CATSPER2: variants seen among roughly 807,000 people sequenced by gnomAD.
CATSPER2 encodes cation channel sperm-associated protein 2.
In CATSPER2, 56 loss-of-function variants were observed where a neutral mutation model predicts 68.8. The observed-to-expected ratio is 0.81, with a 90% CI of 0.66 to 1.02. The LOEUF is 1.02. Among genes scored for constraint, CATSPER2 ranks in the 50% least tolerant of loss-of-function variants. The pLI, the probability that CATSPER2 is intolerant of heterozygous loss-of-function variation, is 0.00. For synonymous variants in CATSPER2, 198 were observed against 229.9 expected, an observed-to-expected ratio of 0.86 and a Z score of 1.26; for missense variants, 582 against 642.0, an observed-to-expected ratio of 0.91 and a Z score of 1.01.
At position 43,648,795 on chromosome 15, in the gene CATSPER2, CG is replaced by C; in HGVS notation, c.-170del. 1 of 1,531,904 alleles carries C rather than the reference CG, an allele frequency of 6.5e-7. No individual in the cohort carries two copies. The highest frequency in any genetic ancestry group is 8.7e-7 in the Non-Finnish European group (1 of 1,142,916). 94.9% of individuals were successfully genotyped at this position (1,531,904 alleles called of 1,614,324 possible). A position where few individuals can be genotyped will look rare whatever the true frequency, so the allele number is the denominator to read the frequency against. ...TCGACCCCCAGGTTTCGGCTCACCC[CG>C]GGACCCGGCCCTAGCCCCTACCCAC... On this transcript the variant is annotated 5_prime_UTR_variant, in exon 1 of 13. Coordinates refer to ENST00000396879, the MANE Select transcript of CATSPER2 (RefSeq NM_172095.4).
intron 4 of CATSPER2, among the ~76,000 whole-genome samples, chr15:43,641,745 AC>A (rs947588225): frequency 1.3e-5 from 2 of 151,912 alleles, no homozygotes; most frequent in Non-Finnish European, 2.9e-5. Flanking sequence ...TCACTCTGTC[AC>A]CCAGGCTGGA....
intron 4 of CATSPER2, among the ~76,000 whole-genome samples, chr15:43,642,020 G>A (rs1421066255): frequency 6.6e-6 from 1 of 151,830 alleles, no homozygotes; most frequent in Admixed American, 6.6e-5. Flanking sequence ...TTTAGGCTCT[G>A]TACTTCTGTA....
intron 4 of CATSPER2, chr15:43,642,357 CA>C (rs2086091400): frequency 6.6e-6 from 1 of 151,596 alleles, no homozygotes; most frequent in Non-Finnish European, 1.5e-5. Flanking sequence ...CTCGGCCTCC[CA>C]AAGTGAGGAT....
In CATSPER2 at chr15:43,648,695, C is replaced by G. The variant is rs2086219973; in HGVS notation, c.-69G>C. Reference sequence around the variant, plus strand: ...GCTTCCGCCTCCAGCTCAGGTGCCCCGAGCCTGGCTACCCCTATGCAAGAC... The same window carrying G: ...GCTTCCGCCTCCAGCTCAGGTGCCCGGAGCCTGGCTACCCCTATGCAAGAC... On this transcript the variant is annotated 5_prime_UTR_variant, in exon 1 of 13. Coordinates refer to ENST00000396879, the MANE Select transcript of CATSPER2 (RefSeq NM_172095.4). The G allele has an allele frequency of 1.4e-6, 2 of 1,454,118 alleles. No individual in the cohort carries two copies. Among genetic ancestry groups the G allele is most frequent in the Admixed American group, 2.6e-5 (1 of 39,094 alleles). 90.1% of individuals were successfully genotyped at this position (1,454,118 alleles called of 1,614,324 possible).
chr15:43,637,370 TA>T (rs1253039740), intron 7 of CATSPER2, among the ~76,000 whole-genome samples: 4 of 151,890 alleles, frequency 2.6e-5, no homozygotes, highest in Admixed American at 2.6e-4. Context: ...ACTAAAAAAG[TA>T]AAAAGTTTCC....
At chr15:43,639,872 A>C (rs1453822163) in intron 5 of CATSPER2, 74 bp from the exon 6 acceptor site, 1 of 1,605,146 alleles carries the variant, frequency 6.2e-7, no homozygotes, top group East Asian at 2.2e-5. Context: ...TCTTCATCTT[A>C]TCCTCTTCAT....
intron 8 of CATSPER2, 35 bp from the exon 9 acceptor site, chr15:43,635,861 T>G: frequency 6.3e-7 from 1 of 1,588,950 alleles, no homozygotes; most frequent in Non-Finnish European, 8.6e-7. Context: ...TGGGAGATGG[T>G]AATGACTAGA....
chr15:43,630,034 T>C lies in CATSPER2; in HGVS notation c.*667A>G, dbSNP rs2085848231. ...GTTGCAGGAAGGGTGGAAGCTATAA[T>C]GATAAAGTCAAGAAATGAGTCAGAT... On this transcript the variant is annotated 3_prime_UTR_variant, in exon 13 of 13. Transcript: ENST00000396879. 2 of 152,728 alleles carry C rather than the reference T, an allele frequency of 1.3e-5. No individual in the cohort carries two copies. The highest frequency in any genetic ancestry group is 1.3e-4 in the Admixed American group (2 of 15,456). 9.5% of individuals were successfully genotyped at this position (152,728 alleles called of 1,614,324 possible). A position where few individuals can be genotyped will look rare whatever the true frequency, so the allele number is the denominator to read the frequency against.
chr15:43,631,555 G>T (rs1363269763), intron 12 of CATSPER2: 6 of 381,404 alleles, frequency 1.6e-5, no homozygotes, highest in Non-Finnish European at 2.8e-5. Flanking sequence ...GAGGGAAATT[G>T]TATTAAGCCA....
At chr15:43,647,568 G>A in intron 2 of CATSPER2, 101 bp from the exon 3 acceptor site, 2 of 1,072,880 alleles carry the variant, frequency 1.9e-6, no homozygotes, top group Non-Finnish European at 1.4e-6. Flanking sequence ...TTCCCCTAAT[G>A]CCTTACTGCT....
intron 7 of CATSPER2, among the ~76,000 whole-genome samples, chr15:43,637,080 C>A (rs1202873364): frequency 4.6e-5 from 7 of 151,866 alleles, no homozygotes; most frequent in Non-Finnish European, 1.5e-5. Context: ...GCCTCAGCCT[C>A]CTAAAGTGCT....
intron 7 of CATSPER2, among the ~76,000 whole-genome samples, chr15:43,638,286 C>CTTTTTTTTTTTTTTTTTTTT (rs71460446): frequency 1.6e-4 from 13 of 81,862 alleles, no homozygotes; most frequent in African/African-American, 3.0e-4. Flanking sequence ...TTCTTTCTTT[C>CTTTTTTTTTTTTTTTTTTTT]TTTTTTTTTT....
chr15:43,640,276 G>A (rs1432438653), intron 5 of CATSPER2, 48 bp downstream of exon 5: 2 of 1,602,410 alleles, frequency 1.2e-6, no homozygotes, highest in Middle Eastern at 1.7e-4. Context: ...ATTCACCTAG[G>A]CACATTCTTC....
intron 6 of CATSPER2, 114 bp downstream of exon 6, chr15:43,639,529 T>A: frequency 6.4e-7 from 1 of 1,555,064 alleles, no homozygotes; most frequent in Admixed American, 1.7e-5. Flanking sequence ...CTTCCCAAAG[T>A]GCTGGGATTA....
In CATSPER2 at chr15:43,648,728, G is replaced by A. The variant is rs1750409439; in HGVS notation, c.-102C>T. On this transcript the variant is annotated 5_prime_UTR_variant, in exon 1 of 13. Coordinates refer to ENST00000396879, the MANE Select transcript of CATSPER2 (RefSeq NM_172095.4). The stretch of plus-strand genomic sequence containing the variant: ...GCTACCCCTATGCAAGACGAGCTCA[G>A]GGCCGGCTCCCAGCCTCACTGCGCC... 6.6e-7 allele frequency: 1 copy of A among 1,512,474 alleles called. No individual in the cohort carries two copies. Among genetic ancestry groups the A allele is most frequent in the African/African-American group, 1.4e-5 (1 of 70,976 alleles). The allele number at this position is 1,512,474 out of a possible 1,614,324, so 93.7% of individuals were successfully genotyped here.
rs146573531 is a variant in CATSPER2 at position 43,645,005 on chromosome 15, T to C, written c.388+2045A>G. On this transcript the variant is annotated intron_variant, in intron 4 of 12. Coordinates refer to ENST00000396879, the MANE Select transcript of CATSPER2 (RefSeq NM_172095.4). The stretch of plus-strand genomic sequence containing the variant: ...AGTATATAGTATACTGTAGTGGGTC[T>C]GTGACATCAATTATTGTTGTATATT... Among the ~76,000 whole-genome samples, 209 of 152,116 alleles carry C rather than the reference T, an allele frequency of 1.4e-3. 5 individuals carry two copies. Among genetic ancestry groups the C allele is most frequent in the African/African-American group, 4.9e-3 (202 of 41,514 alleles).
rs548631540 is a variant in CATSPER2 at position 43,632,192 on chromosome 15, T to C, written c.1561+7A>G. The C allele has an allele frequency of 1.2e-6, 2 of 1,613,140 alleles. No homozygotes were observed. Among genetic ancestry groups the C allele is most frequent in the Admixed American group, 3.3e-5 (2 of 59,978 alleles). On this transcript the variant is annotated splice_region_variant and intron_variant, in intron 12 of 12. Coordinates refer to ENST00000396879, the MANE Select transcript of CATSPER2 (RefSeq NM_172095.4). ...CCATGGTCCCCATGACTGCCCTAAC[T>C]CCATACCTGCAAACTCTTGTAACTT...
Position 43,648,810 on chromosome 15 carries a change from G to A in CATSPER2, c.-184C>T. ...CGGCTCACCCCGGGACCCGGCCCTA[G>A]CCCCTACCCACAGCCCAGGACCATG... On this transcript the variant is annotated 5_prime_UTR_variant, in exon 1 of 13. Coordinates refer to ENST00000396879, the MANE Select transcript of CATSPER2 (RefSeq NM_172095.4). 2.0e-6 allele frequency: 3 copies of A among 1,531,148 alleles called. No individual in the cohort carries two copies. The highest frequency in any genetic ancestry group is 2.5e-5 in the East Asian group (1 of 40,144). The allele number at this position is 1,531,148 out of a possible 1,614,324, so 94.8% of individuals were successfully genotyped here. A position where few individuals can be genotyped will look rare whatever the true frequency, so the allele number is the denominator to read the frequency against.
At chr15:43,635,306 C>T (rs1417747033) in intron 10 of CATSPER2, 54 bp downstream of exon 10, 6 of 1,461,854 alleles carry the variant, frequency 4.1e-6, no homozygotes, top group Non-Finnish European at 4.8e-6. Flanking sequence ...CTTTAGTTTT[C>T]CACCCTCTCC....
Sources: gnomAD v4.1 joint callset for allele counts (sites outside exome capture counted in the v4.1 genomes callset) on GRCh38, gnomAD v4.1.1 for gene constraint, MANE v1.5 for transcripts, NCBI Gene and HGNC (gene_info 2026-07-23, HGNC 2026-07-21) for gene names.